The following COL6A2 variants were observed in gnomAD, a reference collection of about 807,000 sequenced individuals.
The protein encoded by COL6A2 is collagen type VI alpha 2 chain.
A neutral mutation model predicts 124.9 loss-of-function variants in COL6A2; 90 were observed. The ratio of observed to expected loss-of-function variants is 0.72; its 90% confidence interval spans 0.61 to 0.86. COL6A2 has a LOEUF of 0.86. Ranked by LOEUF, COL6A2 falls within the 40% of genes least tolerant of loss-of-function variation. The pLI, the probability that COL6A2 is intolerant of heterozygous loss-of-function variation, is 0.00. For missense variants in COL6A2, 1,607 were observed against 1,502.5 expected, an observed-to-expected ratio of 1.07 and a Z score of -1.15; for synonymous variants, 793 against 618.2, an observed-to-expected ratio of 1.28 and a Z score of -4.19.
Position 46,132,262 on chromosome 21 carries a change from G to A in COL6A2, c.2770G>A (p.Ala924Thr), listed in dbSNP as rs771749652. ...FSHVGAGVVH[A>T]INAIVRSPRG... ...GCACGTGGGCGCAGGCGTGGTGCAC[G>A]CCATCAATGCCATCGTGCGCAGCCC... Residue 924 changes from alanine (A) to threonine (T), a missense_variant, in exon 28 of 28, where the codon GCC becomes ACC. Ala to Thr is a moderately conservative substitution (Grantham distance 58). This residue lies in a region of COL6A2 where 1,223 missense variants were observed against 1,052.2 expected (regional missense o/e 1.16). Transcript: ENST00000300527. 3.2e-5 allele frequency: 51 copies of A among 1,605,668 alleles called. 1 individual carries two copies. Among genetic ancestry groups the A allele is most frequent in the Middle Eastern group, 1.6e-4 (1 of 6,078 alleles).
intron 14 of COL6A2, 93 bp downstream of exon 14, chr21:46,119,212 G>A (rs2078523330): frequency 3.0e-6 from 3 of 993,106 alleles, no homozygotes; most frequent in East Asian, 5.2e-5. Flanking sequence ...CTGGGCTGTA[G>A]GCAGGATCCC....
intron 27 of COL6A2, among the ~76,000 whole-genome samples, chr21:46,127,820 T>G (rs954798967): frequency 1.3e-5 from 2 of 152,146 alleles, no homozygotes; most frequent in East Asian, 3.9e-4. Flanking sequence ...GGGTGCTGCG[T>G]CTGTGGATGT....
rs185941219 is a variant in COL6A2, at chr21:46,102,652, C to G, written c.-28+4479C>G. Among the ~76,000 whole-genome samples, 27 of 150,374 alleles carry G rather than the reference C, an allele frequency of 1.8e-4. No individual in the cohort carries two copies. The East Asian group carries it at 2.9e-3, about 16-fold the overall frequency. On this transcript the variant is annotated intron_variant, in intron 1 of 27. Coordinates refer to ENST00000300527, the MANE Select transcript of COL6A2 (RefSeq NM_001849.4). ...GTTTCTCTGCATCAACTGCAATGAT[C>G]ATGTGTGAGTTTTTTTTCCTCCTTC...
At chr21:46,127,168 G>A (rs989023451) in intron 27 of COL6A2, among the ~76,000 whole-genome samples, 3 of 152,126 alleles carry the variant, frequency 2.0e-5, no homozygotes, top group Admixed American at 6.5e-5. Flanking sequence ...CCCCGGGGGC[G>A]TTAGGAGCTG....
At chr21:46,131,516 A>C (rs992174273) in intron 27 of COL6A2, among the ~76,000 whole-genome samples, 1 of 152,154 alleles carries the variant, frequency 6.6e-6, no homozygotes, top group African/African-American at 2.4e-5. Context: ...CAGCTCTGGG[A>C]CCCAGCGATT....
intron 17 of COL6A2, 34 bp from the exon 18 acceptor site, chr21:46,121,522 T>A: frequency 6.2e-7 from 1 of 1,608,762 alleles, no homozygotes; most frequent in Non-Finnish European, 8.5e-7. Context: ...AGTCCCTGCC[T>A]GTGCTGACTT....
In COL6A2 at chr21:46,125,462, C is replaced by G. The variant is rs112645828; in HGVS notation, c.1817-3C>G. ...CCCCCCGATGACCCTGCCACCCCCC[C>G]AGACTGTGAGAAGCGCTGTGGCGCC... On this transcript the variant is annotated splice_region_variant and splice_polypyrimidine_tract_variant and intron_variant, in intron 24 of 27. Coordinates refer to ENST00000300527, the MANE Select transcript of COL6A2 (RefSeq NM_001849.4). The G allele has an allele frequency of 6.2e-7, 1 of 1,612,900 alleles. No homozygotes were observed. Among genetic ancestry groups the G allele is most frequent in the South Asian group, 1.1e-5 (1 of 91,078 alleles).
In COL6A2 at chr21:46,124,600, A is replaced by G. The variant is rs763766533; in HGVS notation, c.1672-51A>G. The G allele has an allele frequency of 3.8e-6, 6 of 1,578,056 alleles. No individual in the cohort carries two copies. In the East Asian group the frequency reaches 1.3e-4, roughly 35 times the overall value. On this transcript the variant is annotated intron_variant, in intron 21 of 27. Coordinates refer to ENST00000300527, the MANE Select transcript of COL6A2 (RefSeq NM_001849.4). ...CAGCACAGGGGGCCCTGCTGTGTGC[A>G]GGGACTGTCCCTGGGGCCACTGAAG...
rs139528572 is a variant in COL6A2, at chr21:46,125,839, A to C, written c.2024A>C (p.Gln675Pro). The change falls in exon 26 of 28, where the codon CAG becomes CCG. Residue 675 changes from glutamine to proline, a missense_variant. Physicochemically the swap from Gln to Pro is moderately conservative, Grantham distance 76. This residue lies in a region of COL6A2 where 1,223 missense variants were observed against 1,052.2 expected (regional missense o/e 1.16). Coordinates refer to ENST00000300527, the MANE Select transcript of COL6A2 (RefSeq NM_001849.4). The part of the protein sequence containing the change: ...YSHEGTFEAI[Q>P]LDDERIDSLS... ...CACGAGGGCACCTTTGAGGCCATCC[A>C]GCTGGACGACGAACGTATCGACTCC... The C allele has an allele frequency of 4.3e-6, 7 of 1,612,766 alleles. No homozygotes were observed. The African/African-American group carries it at 9.3e-5, about 22-fold the overall frequency.
intron 27 of COL6A2, chr21:46,128,780 C>T: frequency 1.2e-6 from 1 of 836,730 alleles, no homozygotes; most frequent in Non-Finnish European, 2.1e-6. Context: ...CCCAGAGAGG[C>T]TGAGGAAGGG....
In COL6A2 at chr21:46,116,644, T is replaced by C; in HGVS notation, c.928-7T>C. Reference sequence around the variant, plus strand: ...GAGCTCACTGCGCCGGCTTTCCTCCTACACAGGGTGAATTTGGAGCCGACG... The same window carrying C: ...GAGCTCACTGCGCCGGCTTTCCTCCCACACAGGGTGAATTTGGAGCCGACG... On this transcript the variant is annotated splice_polypyrimidine_tract_variant and splice_region_variant and intron_variant, in intron 8 of 27. Transcript: ENST00000300527. The surrounding 1 kb of genome is among the most constrained non-coding windows in gnomAD (Gnocchi z 4.6). The C allele has an allele frequency of 6.2e-7, 1 of 1,612,984 alleles. No individual in the cohort carries two copies. Among genetic ancestry groups the C allele is most frequent in the Non-Finnish European group, 8.5e-7 (1 of 1,180,014 alleles).
intron 27 of COL6A2, among the ~76,000 whole-genome samples, chr21:46,127,304 G>A (rs1006456954): frequency 6.6e-5 from 10 of 152,138 alleles, no homozygotes; most frequent in African/African-American, 1.2e-4. Context: ...CGAAGTCAGC[G>A]CTTCCTCAGC....
chr21:46,126,647 G>T (rs2078674503), intron 27 of COL6A2, 106 bp downstream of exon 27: 1 of 1,385,318 alleles, frequency 7.2e-7, no homozygotes, highest in Non-Finnish European at 1.0e-6. Flanking sequence ...GGACCCGGGG[G>T]GCGGCGGAGC....
chr21:46,132,182 A>G lies in COL6A2; in HGVS notation c.2690A>G (p.Asn897Ser). Reference sequence around the variant, plus strand: ...CAGGTGGCCTTCCCGCTGAGCCACAACCTCACGGCCATCCACGAGGCGCTG... The same window carrying G: ...CAGGTGGCCTTCCCGCTGAGCCACAGCCTCACGGCCATCCACGAGGCGCTG... ...EQQVAFPLSH[N>S]LTAIHEALET... Residue 897 changes from asparagine (N) to serine (S), a missense_variant, in exon 28 of 28, where the codon AAC becomes AGC. Physicochemically the swap from Asn to Ser is conservative, Grantham distance 46 (BLOSUM62 1). Transcript: ENST00000300527. The G allele has an allele frequency of 1.3e-6, 2 of 1,574,050 alleles. No homozygotes were observed. Among genetic ancestry groups the G allele is most frequent in the Non-Finnish European group, 1.7e-6 (2 of 1,160,974 alleles).
intron 1 of COL6A2, among the ~76,000 whole-genome samples, chr21:46,109,348 A>G (rs538549360): frequency 1.3e-5 from 2 of 152,190 alleles, no homozygotes; most frequent in African/African-American, 4.8e-5. Flanking sequence ...GGCCTCAGAG[A>G]GGGGAAGTGC....
chr21:46,122,141 G>C lies in COL6A2; in HGVS notation c.1555G>C (p.Gly519Arg). The C allele has an allele frequency of 6.2e-7, 1 of 1,612,694 alleles. No homozygotes were observed. The highest frequency in any genetic ancestry group is 1.1e-5 in the South Asian group (1 of 91,052). Residue 519 changes from glycine (G) to arginine (R), a missense_variant, in exon 19 of 28, where the codon GGA becomes CGA. Coordinates refer to ENST00000300527, the MANE Select transcript of COL6A2 (RefSeq NM_001849.4). ...DPGRPGFSYP[G>R]PRGAPGEKGE... is the part of the protein sequence containing the mutation. ...CGGCAGGCCTGGATTCAGCTACCCA[G>C]GACCCCGAGGAGCACCCGTGAGTCA...
chr21:46,129,367 C>CCGAGCGGGCCAAGTTCG (rs762180648), intron 27 of COL6A2: 4 of 1,612,980 alleles, frequency 2.5e-6, no homozygotes, highest in Admixed American at 1.7e-5. Context: ...GTCTACACCG[C>CCGAGCGGGCCAAGTTCG]CGAGCGGGCC....
At chr21:46,123,851 A>C (rs1271880189) in intron 21 of COL6A2, among the ~76,000 whole-genome samples, 1 of 95,814 alleles carries the variant, frequency 1.0e-5, no homozygotes, top group African/African-American at 3.8e-5. Flanking sequence ...GGATGGATGA[A>C]TGAGTTAGTG....
chr21:46,101,994 G>T (rs2078293254), intron 1 of COL6A2, among the ~76,000 whole-genome samples: 1 of 149,916 alleles, frequency 6.7e-6, no homozygotes, highest in Non-Finnish European at 1.5e-5. Flanking sequence ...GATCAATTTG[G>T]GTGGTATTGA....
Sources: allele counts gnomAD v4.1 joint callset (sites outside exome capture counted in the v4.1 genomes callset), GRCh38; gene constraint gnomAD v4.1.1; regional missense constraint gnomAD v4.1.1; non-coding constraint Gnocchi (gnomAD v3.1); transcripts MANE v1.5; gene names NCBI Gene and HGNC (gene_info 2026-07-23, HGNC 2026-07-21).